Variants in YAP1 observed in about 807,000 individuals in gnomAD.
YAP1 encodes the protein transcriptional coactivator YAP1.
Under a neutral mutation model 56.9 loss-of-function variants are expected in YAP1, and 5 were observed. The ratio of observed to expected loss-of-function variants is 0.09; its 90% CI spans 0.05 to 0.18. The LOEUF (loss-of-function observed/expected upper bound fraction) is 0.18. Among genes scored for constraint, YAP1 ranks in the 10% least tolerant of loss-of-function variants. The pLI is 1.00. For missense variants in YAP1, 539 were observed against 651.8 expected (o/e 0.83, Z 1.88); for synonymous variants, 265 against 248.1 (o/e 1.07, Z -0.64).
At chr11:102,196,626 C>CTTT (rs1221884329) in intron 4 of YAP1, among the ~76,000 whole-genome samples, 1 of 126,276 alleles carries the variant, frequency 7.9e-6, no homozygotes, top group Admixed American at 7.9e-5. Context: ...GTTTTTGTGA[C>CTTT]TTTTTTTTTT....
chr11:102,143,833 C>T (rs955931236), intron 2 of YAP1, among the ~76,000 whole-genome samples: 2 of 152,214 alleles, frequency 1.3e-5, no homozygotes, highest in African/African-American at 4.8e-5. Context: ...ACTGTGAAAA[C>T]AGTAGCAAAT....
At chr11:102,156,528 T>C (rs1945955260) in intron 2 of YAP1, among the ~76,000 whole-genome samples, 1 of 152,206 alleles carries the variant, frequency 6.6e-6, no homozygotes. Flanking sequence ...TTCTCTTTTT[T>C]TGCCTTTTCC....
chr11:102,169,360 A>G (rs1056698584), intron 3 of YAP1, among the ~76,000 whole-genome samples: 2 of 152,200 alleles, frequency 1.3e-5, no homozygotes, highest in Non-Finnish European at 2.9e-5. Flanking sequence ...CTTTGAAGTT[A>G]TGTTTATCTC....
At chr11:102,203,992 C>G (rs1949002748) in intron 4 of YAP1, among the ~76,000 whole-genome samples, 1 of 151,720 alleles carries the variant, frequency 6.6e-6, no homozygotes, top group Admixed American at 6.6e-5. Context: ...TAACAGGTAG[C>G]TGAGAAGATT....
chr11:102,151,964 C>G (rs1945682872), intron 2 of YAP1, among the ~76,000 whole-genome samples: 1 of 152,230 alleles, frequency 6.6e-6, no homozygotes, highest in Non-Finnish European at 1.5e-5. Context: ...GCTCACTTAA[C>G]TGAGGCCAGA....
chr11:102,208,793 C>G (rs1949249493), intron 5 of YAP1, among the ~76,000 whole-genome samples: 1 of 152,088 alleles, frequency 6.6e-6, no homozygotes, highest in Admixed American at 6.5e-5. Flanking sequence ...TCTTTAATTA[C>G]TAATGTCAAA....
At chr11:102,165,234 G>A (rs902657512) in intron 3 of YAP1, among the ~76,000 whole-genome samples, 1 of 151,852 alleles carries the variant, frequency 6.6e-6, no homozygotes. Context: ...GTGCATAAGT[G>A]AAGTCTCACC....
intron 3 of YAP1, among the ~76,000 whole-genome samples, chr11:102,180,046 G>A (rs1315435871): frequency 3.0e-5 from 4 of 131,324 alleles, no homozygotes; most frequent in African/African-American, 8.8e-5. Flanking sequence ...TCTCGCATCC[G>A]TCGTCCAGGC....
At chr11:102,111,603 T>C (rs1321443129) in intron 1 of YAP1, among the ~76,000 whole-genome samples, 1 of 121,820 alleles carries the variant, frequency 8.2e-6, no homozygotes, top group African/African-American at 3.2e-5. Context: ...CGGGCCGGGC[T>C]GGGAAAGGGG....
At position 102,232,576 on chromosome 11, in the gene YAP1, TTGAG is replaced by T. The variant is rs1429149936; in HGVS notation, c.*2638_*2641del. 6.6e-6 allele frequency: 1 copy of T among 152,640 alleles called. No individual in the cohort carries two copies. The highest frequency in any genetic ancestry group is 6.5e-5 in the Admixed American group (1 of 15,278). The allele number at this position is 152,640 out of a possible 1,614,324, so 9.5% of individuals were successfully genotyped here. On this transcript the variant is annotated 3_prime_UTR_variant, in exon 9 of 9. Transcript: ENST00000282441. The stretch of plus-strand genomic sequence containing the variant: ...GGAGACCTAAGAGTCCTTTCCCTTT[TTGAG>T]TTTGAATCATAGCCTTGATGTGGTC...
At chr11:102,159,918 C>A (rs1946165564) in intron 2 of YAP1, among the ~76,000 whole-genome samples, 1 of 151,916 alleles carries the variant, frequency 6.6e-6, no homozygotes, top group Non-Finnish European at 1.5e-5. Flanking sequence ...AAGATTACCC[C>A]TGGAGGAAGA....
intron 2 of YAP1, among the ~76,000 whole-genome samples, chr11:102,121,026 C>T (rs1385094326): frequency 1.3e-5 from 2 of 152,086 alleles, no homozygotes; most frequent in Non-Finnish European, 2.9e-5. Context: ...AAACAGTCCT[C>T]CCTCACTCTT....
At chr11:102,212,826 C>T (rs1383900732) in intron 6 of YAP1, among the ~76,000 whole-genome samples, 2 of 152,158 alleles carry the variant, frequency 1.3e-5, no homozygotes, top group Non-Finnish European at 2.9e-5. Flanking sequence ...GGTGATCTGC[C>T]CACCTCGTCC....
intron 1 of YAP1, chr11:102,112,886 A>G: frequency 1.7e-6 from 1 of 586,780 alleles, no homozygotes; most frequent in Non-Finnish European, 2.1e-6. Context: ...TTGTGGCATC[A>G]GCCACAAAGA....
At chr11:102,189,205 G>T (rs1196214570) in intron 4 of YAP1, among the ~76,000 whole-genome samples, 5 of 151,716 alleles carry the variant, frequency 3.3e-5, no homozygotes, top group Admixed American at 6.6e-5. Flanking sequence ...TGGAGATTTT[G>T]TACTGGCAAA....
chr11:102,122,694 G>A (rs1470129721), intron 2 of YAP1, among the ~76,000 whole-genome samples: 2 of 151,960 alleles, frequency 1.3e-5, no homozygotes, highest in Non-Finnish European at 1.5e-5. Flanking sequence ...AGGAGTTTGA[G>A]ACCAGCCTGG....
intron 4 of YAP1, among the ~76,000 whole-genome samples, chr11:102,188,835 C>A (rs551910806): frequency 6.6e-6 from 1 of 152,152 alleles, no homozygotes; most frequent in Non-Finnish European, 1.5e-5. Flanking sequence ...TAGTATCAAT[C>A]CTTCACATCT....
intron 4 of YAP1, among the ~76,000 whole-genome samples, chr11:102,187,263 T>C (rs1948018293): frequency 6.6e-6 from 1 of 152,210 alleles, no homozygotes; most frequent in African/African-American, 2.4e-5. Flanking sequence ...CTGAACCCCC[T>C]GTTCAAGTTA....
At chr11:102,187,806 C>G (rs1371861457) in intron 4 of YAP1, among the ~76,000 whole-genome samples, 2 of 152,194 alleles carry the variant, frequency 1.3e-5, no homozygotes, top group East Asian at 1.9e-4. Flanking sequence ...TAAAAAAACA[C>G]TACCACCCTC....
Sources: allele counts gnomAD v4.1 joint callset (sites outside exome capture counted in the v4.1 genomes callset), GRCh38; gene constraint gnomAD v4.1.1; transcripts MANE v1.5; gene names NCBI Gene and HGNC (gene_info 2026-07-23, HGNC 2026-07-21).